The following RAPGEF2 variants were observed in gnomAD, a reference collection of about 807,000 sequenced individuals.
RAPGEF2 encodes the protein PDZ domain containing guanine nucleotide exchange factor (GEF) 1.
RAPGEF2 carries 54 observed loss-of-function variants against 186.7 expected under a neutral mutation model. The ratio of observed to expected loss-of-function variants is 0.29; its 90% CI spans 0.23 to 0.36. RAPGEF2 has a LOEUF of 0.36. RAPGEF2 is among the 10% of genes least tolerant of loss of function. The pLI, the probability that RAPGEF2 is intolerant of heterozygous loss-of-function variation, is 1.00. For missense variants in RAPGEF2, 1,532 were observed against 2,045.0 expected (o/e 0.75, Z 4.84); for synonymous variants, 712 against 705.9 (o/e 1.01, Z -0.14).
intron 1 of RAPGEF2, among the ~76,000 whole-genome samples, 164 bp downstream of exon 1, chr4:159,104,395 C>T: frequency 6.6e-6 from 1 of 151,494 alleles, no homozygotes; most frequent in East Asian, 1.9e-4. Flanking sequence ...GTCTTTTACT[C>T]CGCCTATCCT....
chr4:159,240,330 A>ATTTTTT (rs1753813774), intron 5 of RAPGEF2, among the ~76,000 whole-genome samples: 2 of 17,576 alleles, frequency 1.1e-4, no homozygotes, highest in African/African-American at 4.5e-4. Flanking sequence ...CAGCATTTCT[A>ATTTTTT]CTTTTTTTTT....
chr4:159,323,144 A>G (rs989972009), intron 10 of RAPGEF2, among the ~76,000 whole-genome samples: 5 of 152,236 alleles, frequency 3.3e-5, no homozygotes, highest in African/African-American at 1.2e-4. Context: ...CATTGAGGCA[A>G]TGATGATCAT....
chr4:159,309,466 T>A (rs1025832103), intron 8 of RAPGEF2, among the ~76,000 whole-genome samples: 2 of 152,146 alleles, frequency 1.3e-5, no homozygotes, highest in African/African-American at 4.8e-5. Context: ...TAAAGATGTG[T>A]TGAATGAATG....
chr4:159,335,893 A>C (rs557821509), intron 17 of RAPGEF2, among the ~76,000 whole-genome samples: 21 of 149,544 alleles, frequency 1.4e-4, no homozygotes, highest in Non-Finnish European at 2.7e-4. Context: ...TAATATTTGT[A>C]GCCTTTTGTG....
intron 1 of RAPGEF2, among the ~76,000 whole-genome samples, chr4:159,176,296 G>A (rs1388407276): frequency 2.0e-5 from 3 of 152,138 alleles, no homozygotes; most frequent in African/African-American, 7.2e-5. Context: ...TAGCAGATAC[G>A]TGCTCTGGAG....
chr4:159,164,191 A>G (rs1339882480), intron 1 of RAPGEF2, among the ~76,000 whole-genome samples: 1 of 151,654 alleles, frequency 6.6e-6, no homozygotes, highest in African/African-American at 2.4e-5. Flanking sequence ...TTTTTAGTAG[A>G]GGCGGGGTTT....
chr4:159,131,519 A>ATTGGTTTTTTTTTTTTTTTT, intron 1 of RAPGEF2, among the ~76,000 whole-genome samples: 2 of 37,212 alleles, frequency 5.4e-5, no homozygotes, highest in African/African-American at 1.2e-4. Context: ...ATTAATTGCT[A>ATTGGTTTTTTTTTTTTTTTT]TTTTTTTTTT....
chr4:159,119,338 T>C (rs545539377), intron 1 of RAPGEF2, among the ~76,000 whole-genome samples: 5 of 152,328 alleles, frequency 3.3e-5, no homozygotes, highest in African/African-American at 9.6e-5. Flanking sequence ...CTTGGTGTTT[T>C]GTCTTTTTAT....
chr4:159,242,397 G>A (rs1754124705), intron 6 of RAPGEF2, among the ~76,000 whole-genome samples: 1 of 151,350 alleles, frequency 6.6e-6, no homozygotes, highest in Admixed American at 6.6e-5. Flanking sequence ...AAAATGCATG[G>A]GAAAAATGTA....
At chr4:159,311,441 T>C (rs886536491) in intron 8 of RAPGEF2, among the ~76,000 whole-genome samples, 1 of 152,162 alleles carries the variant, frequency 6.6e-6, no homozygotes, top group African/African-American at 2.4e-5. Flanking sequence ...AGGTAGAAGG[T>C]GTACAAGTTC....
intron 1 of RAPGEF2, among the ~76,000 whole-genome samples, chr4:159,108,383 C>CTTT (rs35882271): frequency 2.2e-4 from 24 of 107,882 alleles, no homozygotes; most frequent in Non-Finnish European, 3.1e-4. Context: ...ACAGAACTTT[C>CTTT]TTTTTTTTTT....
chr4:159,332,668 G>T lies in RAPGEF2; in HGVS notation c.2106G>T (p.Arg702=). 1 of 1,614,124 alleles carries T rather than the reference G, an allele frequency of 6.2e-7. No individual in the cohort carries two copies. The highest frequency in any genetic ancestry group is 8.5e-7 in the Non-Finnish European group (1 of 1,180,004). The change falls in exon 17 of 30, where the codon CGG becomes CGT. Residue 702 remains arginine, a synonymous_variant. Coordinates refer to ENST00000691494, the MANE Select transcript of RAPGEF2 (RefSeq NM_001394067.2). ...NKLKKILDKT[R]ISILPQKPYN... ...TGAAAAAGATACTCGACAAGACTCGGATCAGTATCTTGCCACAGAAACCAT... is the reference window on the plus strand; with the variant it reads ...TGAAAAAGATACTCGACAAGACTCGTATCAGTATCTTGCCACAGAAACCAT...
At chr4:159,197,261 T>G (rs1291649365) in intron 3 of RAPGEF2, among the ~76,000 whole-genome samples, 1 of 152,236 alleles carries the variant, frequency 6.6e-6, no homozygotes, top group Non-Finnish European at 1.5e-5. Context: ...CCTGGGGCTG[T>G]CTCATAGTAC....
At position 159,193,200 on chromosome 4, in the gene RAPGEF2, G is replaced by A. The variant is rs1483831963; in HGVS notation, c.141G>A (p.Arg47=). The A allele has an allele frequency of 6.7e-7, 1 of 1,493,922 alleles. No homozygotes were observed. Among genetic ancestry groups the A allele is most frequent in the African/African-American group, 1.4e-5 (1 of 71,280 alleles). The allele number at this position is 1,493,922 out of a possible 1,614,324, so 92.5% of individuals were successfully genotyped here. A position where few individuals can be genotyped will look rare whatever the true frequency, so the allele number is the denominator to read the frequency against. Residue 47 remains arginine, a splice_region_variant and synonymous_variant, in exon 3 of 30, where the codon AGG becomes AGA. Coordinates refer to ENST00000691494, the MANE Select transcript of RAPGEF2 (RefSeq NM_001394067.2). ...ALSNLREHQL[R]LMCETVRYER... is the part of the protein sequence containing the mutation. ...ACTCATGTTTTTATCTCTTTTACAGGTTAATGTGTGAAACTGTGAGATATG... is the reference window on the plus strand; with the variant it reads ...ACTCATGTTTTTATCTCTTTTACAGATTAATGTGTGAAACTGTGAGATATG...
intron 1 of RAPGEF2, among the ~76,000 whole-genome samples, chr4:159,110,304 TA>T (rs1474718337): frequency 6.6e-6 from 1 of 152,208 alleles, no homozygotes; most frequent in Non-Finnish European, 1.5e-5. Flanking sequence ...ATAGTTAAAC[TA>T]GGCCAGGTGC....
chr4:159,105,979 C>G (rs369883776), intron 1 of RAPGEF2, among the ~76,000 whole-genome samples: 2 of 152,050 alleles, frequency 1.3e-5, no homozygotes, highest in Admixed American at 1.3e-4. Context: ...GGTTGGGGGG[C>G]GGGTCACCAA....
rs1732316469 is a variant in RAPGEF2 at position 159,358,125 on chromosome 4, G to A, written c.4969G>A (p.Val1657Ile). Residue 1657 changes from valine to isoleucine, a missense_variant, in exon 30 of 30, where the codon GTT becomes ATT. Val to Ile is a conservative substitution (Grantham distance 29, BLOSUM62 3). This residue lies in a region of RAPGEF2 where 594 missense variants were observed against 608.5 expected (regional missense o/e 0.98). Coordinates refer to ENST00000691494, the MANE Select transcript of RAPGEF2 (RefSeq NM_001394067.2). ...TGCTGTATTTGCAGAAGATGAACAA[G>A]TTTCTGCTGTTTGAGGCACAGACTT... is the stretch of plus-strand genomic sequence containing the variant. ...FSTEEDEDEQ[V>I]SAV The A allele has an allele frequency of 1.2e-6, 2 of 1,612,044 alleles. No homozygotes were observed. Among genetic ancestry groups the A allele is most frequent in the South Asian group, 2.2e-5 (2 of 90,416 alleles).
chr4:159,119,735 C>T (rs189311994), intron 1 of RAPGEF2, among the ~76,000 whole-genome samples: 12 of 152,204 alleles, frequency 7.9e-5, no homozygotes, highest in East Asian at 3.9e-4. Flanking sequence ...GTGAGCATTA[C>T]GTGTAAATAT....
intron 1 of RAPGEF2, among the ~76,000 whole-genome samples, chr4:159,158,951 G>A (rs538845225): frequency 1.3e-4 from 20 of 152,188 alleles, no homozygotes; most frequent in South Asian, 2.1e-4. Flanking sequence ...AAGGGCTAGC[G>A]TTTAAGTGTT....
Sources: allele counts gnomAD v4.1 joint callset (sites outside exome capture counted in the v4.1 genomes callset), GRCh38; gene constraint gnomAD v4.1.1; regional missense constraint gnomAD v4.1.1; transcripts MANE v1.5; gene names NCBI Gene and HGNC (gene_info 2026-07-23, HGNC 2026-07-21).